The following THEMIS variants were observed in gnomAD, a reference collection of about 807,000 sequenced individuals.
The protein encoded by THEMIS is thymocyte selection associated.
A neutral mutation model predicts 52.6 loss-of-function variants in THEMIS; 37 were observed. The ratio of observed to expected loss-of-function variants is 0.70; its 90% confidence interval spans 0.54 to 0.93. The LOEUF is 0.93. Ranked by LOEUF, THEMIS falls within the 40% of genes least tolerant of loss-of-function variation. THEMIS has a pLI of 0.00. For missense variants in THEMIS, 808 were observed against 763.1 expected, an observed-to-expected ratio of 1.06 and a Z score of -0.69; for synonymous variants, 292 against 272.7, an observed-to-expected ratio of 1.07 and a Z score of -0.70.
upstream of THEMIS, among the ~76,000 whole-genome samples, chr6:127,905,244 T>C (rs571834956): frequency 1.4e-4 from 22 of 152,068 alleles, no homozygotes; most frequent in African/African-American, 4.1e-4. Flanking sequence ...ATATCTTAAA[T>C]GCACTCTGAA....
At chr6:127,770,355 G>T (rs192134027) in intron 4 of THEMIS, among the ~76,000 whole-genome samples, 8 of 152,160 alleles carry the variant, frequency 5.3e-5, no homozygotes, top group African/African-American at 1.9e-4. Context: ...GTTTTGATTT[G>T]CATTTTTCTA....
chr6:127,860,907 TG>T (rs1779777967), intron 1 of THEMIS, among the ~76,000 whole-genome samples: 1 of 152,118 alleles, frequency 6.6e-6, no homozygotes. Flanking sequence ...GGCTTACAAG[TG>T]GTTGTCATGA....
intron 1 of THEMIS, among the ~76,000 whole-genome samples, chr6:127,879,794 C>G (rs1392478910): frequency 6.6e-6 from 1 of 151,986 alleles, no homozygotes; most frequent in Admixed American, 6.6e-5. Flanking sequence ...GCTGGAGCTG[C>G]TGGACTGGAT....
At chr6:127,897,470 A>G (rs770130732) in intron 1 of THEMIS, among the ~76,000 whole-genome samples, 4 of 151,524 alleles carry the variant, frequency 2.6e-5, no homozygotes, top group Non-Finnish European at 5.9e-5. Context: ...AATTCAACAG[A>G]AAAATGAGCA....
chr6:127,862,832 A>T (rs946461107), intron 1 of THEMIS, among the ~76,000 whole-genome samples: 1 of 152,254 alleles, frequency 6.6e-6, no homozygotes, highest in East Asian at 1.9e-4. Flanking sequence ...ATCACTAATC[A>T]TACAAGGTAT....
chr6:127,741,785 G>A (rs893602791), intron 4 of THEMIS, among the ~76,000 whole-genome samples: 5 of 152,204 alleles, frequency 3.3e-5, no homozygotes, highest in Admixed American at 1.3e-4. Context: ...ACATGAGGCT[G>A]CTCAGGCTAG....
chr6:127,743,481 T>G (rs960412274), intron 4 of THEMIS, among the ~76,000 whole-genome samples: 1 of 151,958 alleles, frequency 6.6e-6, no homozygotes, highest in Non-Finnish European at 1.5e-5. Flanking sequence ...GGAAAAAGAG[T>G]AAGACAGAAT....
intron 4 of THEMIS, among the ~76,000 whole-genome samples, chr6:127,740,638 T>C (rs986177609): frequency 6.6e-6 from 1 of 152,174 alleles, no homozygotes; most frequent in Admixed American, 6.5e-5. Context: ...ACGGCCATTT[T>C]TTTCTTTAGC....
intron 3 of THEMIS, among the ~76,000 whole-genome samples, chr6:127,815,444 T>C (rs1778094526): frequency 6.6e-6 from 1 of 152,186 alleles, no homozygotes; most frequent in Admixed American, 6.5e-5. Context: ...CTGTGTGATT[T>C]ATGTATTACT....
At chr6:127,906,553 A>C (rs927123004) in intron 1 of THEMIS, among the ~76,000 whole-genome samples, 1 of 151,964 alleles carries the variant, frequency 6.6e-6, no homozygotes, top group South Asian at 2.1e-4. Context: ...GATACACACA[A>C]AGATTTATTT....
intron 1 of THEMIS, among the ~76,000 whole-genome samples, chr6:127,913,302 CT>C (rs1781452283): frequency 6.6e-6 from 1 of 152,180 alleles, no homozygotes; most frequent in Admixed American, 6.5e-5. Flanking sequence ...TTTCACAATT[CT>C]CTCTTCCTTT....
intron 4 of THEMIS, among the ~76,000 whole-genome samples, chr6:127,771,952 T>C (rs1776401072): frequency 6.6e-6 from 1 of 152,168 alleles, no homozygotes. Context: ...GATTTAGTTT[T>C]ATGTTTTTAA....
At chr6:127,908,159 CT>C (rs1321470609) in intron 1 of THEMIS, among the ~76,000 whole-genome samples, 1 of 152,006 alleles carries the variant, frequency 6.6e-6, no homozygotes, top group Non-Finnish European at 1.5e-5. Flanking sequence ...ATGTAAGTTT[CT>C]TTTTTGATCA....
At chr6:127,702,410 C>T in the THEMIS span, among the ~76,000 whole-genome samples, 3 of 152,160 alleles carry the variant, frequency 2.0e-5, no homozygotes, top group Admixed American at 6.5e-5. Flanking sequence ...GACATCATCT[C>T]TTTGAATATT....
At chr6:127,747,197 T>G (rs1022662245) in intron 4 of THEMIS, among the ~76,000 whole-genome samples, 1 of 132,020 alleles carries the variant, frequency 7.6e-6, no homozygotes, top group South Asian at 2.4e-4. Flanking sequence ...ATTACAGATA[T>G]CTATCATATC....
downstream of THEMIS, among the ~76,000 whole-genome samples, chr6:127,706,156 G>T (rs1773794349): frequency 1.3e-5 from 2 of 151,848 alleles, no homozygotes; most frequent in Non-Finnish European, 2.9e-5. Context: ...AAGAAAAGAT[G>T]CAAGACTCCA....
Position 127,813,765 on chromosome 6 carries a change from T to C in THEMIS, c.876A>G (p.Glu292=), listed in dbSNP as rs908137434. ...PIVTEVIEAP[E]GNHLPQSILQ... is the part of the protein sequence containing the mutation. ...AAATGCTTTGGGGCAGGTGGTTTCCTTCAGGTGCTTCTATGACTTCAGTCA... is the reference window on the plus strand; with the variant it reads ...AAATGCTTTGGGGCAGGTGGTTTCCCTCAGGTGCTTCTATGACTTCAGTCA... Residue 292 remains glutamate (E), a synonymous_variant, in exon 4 of 6, where the codon GAA becomes GAG. Coordinates refer to ENST00000368248, the MANE Select transcript of THEMIS (RefSeq NM_001010923.3). 57 of 1,613,872 alleles carry C rather than the reference T, an allele frequency of 3.5e-5. No individual in the cohort carries two copies. Among genetic ancestry groups the C allele is most frequent in the Non-Finnish European group, 4.7e-5 (56 of 1,179,962 alleles).
chr6:127,724,173 T>A (rs1300609428), intron 4 of THEMIS, among the ~76,000 whole-genome samples: 1 of 152,130 alleles, frequency 6.6e-6, no homozygotes, highest in Admixed American at 6.6e-5. Context: ...CATTTTACTT[T>A]GTTTTATCCA....
chr6:127,746,735 TTATATTATATATAATTA>T (rs1260028077), intron 4 of THEMIS, among the ~76,000 whole-genome samples: 1 of 97,306 alleles, frequency 1.0e-5, no homozygotes, highest in African/African-American at 4.1e-5. Flanking sequence ...TATTATATAA[TTATATTATATATAATTA>T]TATATTATTA....
Sources: gnomAD v4.1 joint callset for allele counts (sites outside exome capture counted in the v4.1 genomes callset) on GRCh38, gnomAD v4.1.1 for gene constraint, MANE v1.5 for transcripts, NCBI Gene and HGNC (gene_info 2026-07-23, HGNC 2026-07-21) for gene names.